CLVS2: variants seen among roughly 807,000 people sequenced by gnomAD.
CLVS2 encodes the protein clavesin 2.
In CLVS2, 19 loss-of-function variants were observed where a neutral mutation model predicts 29.0. The ratio of observed to expected loss-of-function variants is 0.66; its 90% confidence interval spans 0.46 to 0.96. The LOEUF (loss-of-function observed/expected upper bound fraction) is 0.96. CLVS2 is among the 40% of genes least tolerant of loss of function. The pLI, the probability that CLVS2 is intolerant of heterozygous loss-of-function variation, is 0.00. For synonymous variants in CLVS2, 161 were observed against 151.3 expected, an observed-to-expected ratio of 1.06 and a Z score of -0.47; for missense variants, 294 against 404.1, an observed-to-expected ratio of 0.73 and a Z score of 2.34.
intron 3 of CLVS2, among the ~76,000 whole-genome samples, chr6:123,033,106 G>A (rs1449688989): frequency 6.6e-6 from 1 of 151,854 alleles, no homozygotes; most frequent in African/African-American, 2.4e-5. Flanking sequence ...TGGTTTAAAG[G>A]AAACATTTCA....
chr6:123,026,108 T>C (rs1774997638), intron 3 of CLVS2, among the ~76,000 whole-genome samples: 1 of 152,084 alleles, frequency 6.6e-6, no homozygotes, highest in Non-Finnish European at 1.5e-5. Context: ...TTAAGAGTAA[T>C]ATTTGCAAAG....
chr6:122,999,289 C>T (rs754307517), intron 2 of CLVS2, among the ~76,000 whole-genome samples: 6 of 152,030 alleles, frequency 3.9e-5, no homozygotes, highest in Admixed American at 6.5e-5. Context: ...GATAGGCTTC[C>T]GAGTCTTGGT....
At chr6:123,037,147 G>A (rs1230068596) in intron 3 of CLVS2, among the ~76,000 whole-genome samples, 1 of 151,852 alleles carries the variant, frequency 6.6e-6, no homozygotes, top group Non-Finnish European at 1.5e-5. Context: ...TCATGTGTGT[G>A]GTCTACAGAC....
rs936228138 is a variant in CLVS2, at chr6:123,067,857, T to C, written c.*4096T>C. ...TAATGAAAAGGATTTGTTTTCTTGT[T>C]TTTGTCTTTGGTTTTAGTTGAAAAA... On this transcript the variant is annotated 3_prime_UTR_variant, in exon 6 of 6. Transcript: ENST00000275162. The C allele has an allele frequency of 3.3e-5, 5 of 151,710 alleles. No individual in the cohort carries two copies. Among genetic ancestry groups the C allele is most frequent in the African/African-American group, 7.2e-5 (3 of 41,398 alleles). 9.4% of individuals were successfully genotyped at this position (151,710 alleles called of 1,614,324 possible). A position where few individuals can be genotyped will look rare whatever the true frequency, so the allele number is the denominator to read the frequency against.
At chr6:123,034,316 T>C (rs1282735032) in intron 3 of CLVS2, among the ~76,000 whole-genome samples, 1 of 152,106 alleles carries the variant, frequency 6.6e-6, no homozygotes, top group Non-Finnish European at 1.5e-5. Context: ...TCAAATGTCC[T>C]AAAATAGGTG....
chr6:123,062,455 C>T (rs1164923227), intron 5 of CLVS2, among the ~76,000 whole-genome samples: 5 of 151,760 alleles, frequency 3.3e-5, no homozygotes, highest in East Asian at 1.9e-4. Context: ...TTCTGTCTTA[C>T]GCTCACACAC....
At chr6:123,016,515 C>A (rs2114314784) in intron 3 of CLVS2, among the ~76,000 whole-genome samples, 1 of 152,048 alleles carries the variant, frequency 6.6e-6, no homozygotes, top group African/African-American at 2.4e-5. Context: ...TCTCCCTTGC[C>A]TCTGCCCTAC....
At chr6:123,059,141 C>A (rs1772738917) in intron 5 of CLVS2, among the ~76,000 whole-genome samples, 1 of 152,120 alleles carries the variant, frequency 6.6e-6, no homozygotes, top group Non-Finnish European at 1.5e-5. Context: ...TCACCGCCAC[C>A]TGGAATGTTC....
chr6:123,035,802 G>T (rs1025414588), intron 3 of CLVS2, among the ~76,000 whole-genome samples: 1 of 152,080 alleles, frequency 6.6e-6, no homozygotes, highest in Admixed American at 6.6e-5. Flanking sequence ...AGCTAGGGAG[G>T]TCTCTTAACC....
At position 123,066,173 on chromosome 6, in the gene CLVS2, A is replaced by G. The variant is rs1177562226; in HGVS notation, c.*2412A>G. ...ACCTTAGTCAAGGGATATTCATTCA[A>G]CTTTATAAATTTACCCCTCAGCACC... On this transcript the variant is annotated 3_prime_UTR_variant, in exon 6 of 6. Transcript: ENST00000275162. The G allele has an allele frequency of 1.3e-5, 2 of 151,740 alleles. No homozygotes were observed. Among genetic ancestry groups the G allele is most frequent in the Admixed American group, 6.6e-5 (1 of 15,180 alleles). 9.4% of individuals were successfully genotyped at this position (151,740 alleles called of 1,614,324 possible).
chr6:123,053,227 C>T (rs1437660084), intron 4 of CLVS2, among the ~76,000 whole-genome samples: 3 of 152,014 alleles, frequency 2.0e-5, no homozygotes, highest in African/African-American at 7.2e-5. Flanking sequence ...GCCTGTAGTC[C>T]CAGCTACTCG....
intron 5 of CLVS2, among the ~76,000 whole-genome samples, chr6:123,058,894 G>A (rs1772733977): frequency 6.6e-6 from 1 of 152,110 alleles, no homozygotes; most frequent in Non-Finnish European, 1.5e-5. Context: ...CTGGCCTCAA[G>A]TGATCCACCT....
chr6:123,050,524 A>G (rs1318883103), intron 4 of CLVS2, among the ~76,000 whole-genome samples: 4 of 152,204 alleles, frequency 2.6e-5, no homozygotes, highest in African/African-American at 9.7e-5. Flanking sequence ...TATGGGAAAG[A>G]GAGTTTCAGG....
At chr6:123,037,911 T>C (rs955719383) in intron 3 of CLVS2, among the ~76,000 whole-genome samples, 1 of 152,194 alleles carries the variant, frequency 6.6e-6, no homozygotes, top group African/African-American at 2.4e-5. Context: ...AGCACAGCTT[T>C]AATGTGTCAC....
At chr6:123,012,274 T>C (rs1472362651) in intron 3 of CLVS2, among the ~76,000 whole-genome samples, 3 of 152,004 alleles carry the variant, frequency 2.0e-5, no homozygotes, top group Non-Finnish European at 4.4e-5. Context: ...GTATATCATA[T>C]AGAATCAGTC....
Position 123,055,945 on chromosome 6 carries a change from A to G in CLVS2, c.815A>G (p.Asp272Gly). Residue 272 changes from aspartate to glycine, a missense_variant, in exon 5 of 6, where the codon GAT becomes GGT. By Grantham distance (94) the Asp-to-Gly change is moderately conservative. This residue lies in a region of CLVS2 where 82 missense variants were observed against 67.8 expected (regional missense o/e 1.21). Transcript: ENST00000275162. The part of the protein sequence containing the change: ...ARTLLDHEYD[D>G]DSEYNVDSYS... ...ACACTGCTAGACCATGAATATGACG[A>G]TGACAGCGAGTACAATGTAGACTCC... The G allele has an allele frequency of 6.2e-7, 1 of 1,614,056 alleles. No homozygotes were observed. Among genetic ancestry groups the G allele is most frequent in the South Asian group, 1.1e-5 (1 of 91,086 alleles).
chr6:123,067,705 C>T lies in CLVS2; in HGVS notation c.*3944C>T, dbSNP rs1772883768. ...GTAGATCTGCTATATAAATACATAGCCTGAAACATAGTAATGCATTTGAAA... is the reference window on the plus strand; with the variant it reads ...GTAGATCTGCTATATAAATACATAGTCTGAAACATAGTAATGCATTTGAAA... On this transcript the variant is annotated 3_prime_UTR_variant, in exon 6 of 6. Transcript: ENST00000275162. The T allele has an allele frequency of 6.6e-6, 1 of 151,202 alleles. No homozygotes were observed. The highest frequency in any genetic ancestry group is 1.5e-5 in the Non-Finnish European group (1 of 67,550). The allele number at this position is 151,202 out of a possible 1,614,324, so 9.4% of individuals were successfully genotyped here. A position where few individuals can be genotyped will look rare whatever the true frequency, so the allele number is the denominator to read the frequency against.
intron 3 of CLVS2, among the ~76,000 whole-genome samples, chr6:123,043,782 A>G (rs776044944): frequency 6.6e-6 from 1 of 152,306 alleles, no homozygotes; most frequent in Admixed American, 6.5e-5. Flanking sequence ...CATAAATCAG[A>G]CAATATTACT....
intron 3 of CLVS2, among the ~76,000 whole-genome samples, chr6:123,030,085 A>G (rs550875925): frequency 1.3e-5 from 2 of 152,360 alleles, no homozygotes; most frequent in East Asian, 3.9e-4. Flanking sequence ...CTGCCAGAAA[A>G]AGAAGTACAG....
Sources: allele counts gnomAD v4.1 joint callset (sites outside exome capture counted in the v4.1 genomes callset), GRCh38; gene constraint gnomAD v4.1.1; regional missense constraint gnomAD v4.1.1; transcripts MANE v1.5; gene names NCBI Gene and HGNC (gene_info 2026-07-23, HGNC 2026-07-21).